ROBO2: variants seen among roughly 807,000 people sequenced by gnomAD.
The protein encoded by ROBO2 is roundabout guidance receptor 2.
A neutral mutation model predicts 160.8 loss-of-function variants in ROBO2; 53 were observed. That is an observed-to-expected ratio of 0.33 (90% confidence interval 0.26 to 0.41). The LOEUF (loss-of-function observed/expected upper bound fraction) is 0.41, where lower values mean the gene tolerates loss of function less well. ROBO2 is among the 10% of genes least tolerant of loss of function. ROBO2 has a pLI of 1.00. For synonymous variants in ROBO2, 664 were observed against 611.7 expected, an observed-to-expected ratio of 1.09 and a Z score of -1.26; for missense variants, 1,577 against 1,722.4, an observed-to-expected ratio of 0.92 and a Z score of 1.49.
intron 2 of ROBO2, among the ~76,000 whole-genome samples, chr3:77,279,824 C>T (rs2060128295): frequency 6.6e-6 from 1 of 152,062 alleles, no homozygotes; most frequent in Admixed American, 6.5e-5. Flanking sequence ...ATAGTCAGGA[C>T]TTCATTTACC....
intron 2 of ROBO2, among the ~76,000 whole-genome samples, chr3:76,155,304 G>A (rs970799126): frequency 5.9e-5 from 9 of 152,102 alleles, no homozygotes; most frequent in African/African-American, 2.2e-4. Flanking sequence ...AAAAGAGACT[G>A]AACCTCAATC....
chr3:76,471,301 T>A (rs769016310), intron 2 of ROBO2, among the ~76,000 whole-genome samples: 2 of 152,180 alleles, frequency 1.3e-5, no homozygotes, highest in Non-Finnish European at 2.9e-5. Flanking sequence ...ACTAGACACA[T>A]TTTTAGAGCT....
chr3:76,138,672 A>G (rs1453476048), intron 2 of ROBO2, among the ~76,000 whole-genome samples: 1 of 152,128 alleles, frequency 6.6e-6, no homozygotes, highest in Non-Finnish European at 1.5e-5. Flanking sequence ...CAGGTATGCT[A>G]TATAGTATCT....
intron 1 of ROBO2, among the ~76,000 whole-genome samples, chr3:75,921,540 A>C (rs1399615451): frequency 6.6e-6 from 1 of 152,134 alleles, no homozygotes; most frequent in Non-Finnish European, 1.5e-5. Context: ...ATCAGAATGA[A>C]AAAATATGCT....
intron 2 of ROBO2, among the ~76,000 whole-genome samples, chr3:76,141,159 C>CTCTA (rs1364431015): frequency 2.0e-3 from 18 of 9,172 alleles, no homozygotes; most frequent in East Asian, 0.015. Context: ...CTCTCTCTCT[C>CTCTA]TATATATATA....
intron 7 of ROBO2, among the ~76,000 whole-genome samples, chr3:77,548,000 C>A (rs899664804): frequency 3.3e-5 from 5 of 151,322 alleles, no homozygotes; most frequent in African/African-American, 1.2e-4. Context: ...GAGACAGACA[C>A]ACATATACAC....
rs554102712 is a variant in ROBO2 at position 77,343,083 on chromosome 3, AG to A, written c.389-134330del. ...GAGAGAGAGAGAGAGAGAGAGAGAG[AG>A]AGAACTTTCTTATAAGACCACAATC... On this transcript the variant is annotated intron_variant, in intron 2 of 25. Transcript: ENST00000461745. Among the ~76,000 whole-genome samples the A allele has an allele frequency of 1.0e-3, 132 of 129,918 alleles. 1 individual carries two copies. The East Asian group carries it at 0.016, about 16-fold the overall frequency. The allele number at this position is 129,918 out of a possible 152,430, so 85.2% of individuals were successfully genotyped here.
intron 2 of ROBO2, among the ~76,000 whole-genome samples, chr3:76,650,481 C>CT (rs67171130): frequency 0.61 from 89,378 of 146,672 alleles, 27,153 homozygotes; most frequent in African/African-American, 0.62. Context: ...CCTTCTTTCT[C>CT]TTTTTTTTTT....
chr3:77,452,991 C>A (rs943549319), intron 2 of ROBO2, among the ~76,000 whole-genome samples: 1 of 152,108 alleles, frequency 6.6e-6, no homozygotes, highest in African/African-American at 2.4e-5. Context: ...GTCTTCTAAT[C>A]TCATGTCTTC....
chr3:76,902,514 A>T (rs1358700325), intron 2 of ROBO2, among the ~76,000 whole-genome samples: 3 of 152,070 alleles, frequency 2.0e-5, no homozygotes, highest in Admixed American at 6.6e-5. Context: ...AAATTTATAC[A>T]TTTATTTTGA....
chr3:77,253,736 C>T (rs2090630582), intron 2 of ROBO2, among the ~76,000 whole-genome samples: 1 of 152,142 alleles, frequency 6.6e-6, no homozygotes, highest in Admixed American at 6.5e-5. Flanking sequence ...ATATTTGGGT[C>T]ATTTCCATAA....
chr3:76,044,226 C>T (rs1052372690), intron 2 of ROBO2, among the ~76,000 whole-genome samples: 1 of 151,988 alleles, frequency 6.6e-6, no homozygotes, highest in South Asian at 2.1e-4. Flanking sequence ...GAACAAGGAC[C>T]AAAGCTGGAA....
chr3:77,473,547 G>C (rs1407912623), intron 2 of ROBO2, among the ~76,000 whole-genome samples: 1 of 136,642 alleles, frequency 7.3e-6, no homozygotes, highest in East Asian at 2.3e-4. Flanking sequence ...TCCGCCTCCC[G>C]GGTTCCTGCC....
intron 2 of ROBO2, among the ~76,000 whole-genome samples, chr3:76,864,091 G>A (rs9809532): frequency 0.011 from 1,738 of 152,046 alleles, 31 homozygotes; most frequent in African/African-American, 0.039. Flanking sequence ...AATTGAACAC[G>A]ATCCTTCTCC....
intron 2 of ROBO2, among the ~76,000 whole-genome samples, chr3:76,957,684 A>G (rs909656022): frequency 1.3e-5 from 2 of 151,996 alleles, no homozygotes; most frequent in Non-Finnish European, 1.5e-5. Flanking sequence ...TACAAAAATT[A>G]GCCTGGCGTG....
intron 2 of ROBO2, among the ~76,000 whole-genome samples, chr3:77,419,929 A>G (rs2077564883): frequency 6.6e-6 from 1 of 152,070 alleles, no homozygotes; most frequent in South Asian, 2.1e-4. Flanking sequence ...GGTAAAAGTG[A>G]AGATTACTCT....
At chr3:76,039,739 T>C (rs968642209) in intron 2 of ROBO2, among the ~76,000 whole-genome samples, 3 of 152,040 alleles carry the variant, frequency 2.0e-5, no homozygotes, top group Non-Finnish European at 2.9e-5. Flanking sequence ...ACTTACCTTG[T>C]TGAGCCTCTA....
At chr3:76,304,973 G>C (rs548834842) in intron 2 of ROBO2, among the ~76,000 whole-genome samples, 1 of 151,876 alleles carries the variant, frequency 6.6e-6, no homozygotes, top group African/African-American at 2.4e-5. Context: ...GTTACTCTCT[G>C]TGGGTGAATT....
Position 77,208,917 on chromosome 3 carries a change from C to T in ROBO2, c.388+110577C>T, listed in dbSNP as rs144095364. ...ACTTCATTTTATCTGCCAAAAGAAC[C>T]ACTGGAGTGCTTTAAATAATAACCT... On this transcript the variant is annotated intron_variant, in intron 2 of 25. Coordinates refer to ENST00000461745, the Ensembl canonical transcript of ROBO2. Among the ~76,000 whole-genome samples the T allele has an allele frequency of 2.1e-3, 327 of 152,158 alleles. 1 individual carries two copies. The highest frequency in any genetic ancestry group is 7.7e-3 in the African/African-American group (318 of 41,524).
Sources: gnomAD v4.1 joint callset for allele counts (sites outside exome capture counted in the v4.1 genomes callset) on GRCh38, gnomAD v4.1.1 for gene constraint, MANE v1.5 for transcripts, NCBI Gene and HGNC (gene_info 2026-07-23, HGNC 2026-07-21) for gene names.